NRF1: variants seen among roughly 807,000 people sequenced by gnomAD.
NRF1 encodes the protein nuclear respiratory factor 1, also known as alpha palindromic-binding protein.
A neutral mutation model predicts 58.5 loss-of-function variants in NRF1; 5 were observed. That is an observed-to-expected ratio of 0.09 (90% CI 0.04 to 0.18). The LOEUF is 0.18. Among genes scored for constraint, NRF1 ranks in the 10% least tolerant of loss-of-function variants. The pLI is 1.00. For synonymous variants in NRF1, 224 were observed against 246.7 expected (o/e 0.91, Z 0.86); for missense variants, 288 against 657.7 (o/e 0.44, Z 6.15).
At chr7:129,664,148 GA>G (rs1351653865) in intron 2 of NRF1, among the ~76,000 whole-genome samples, 5 of 145,488 alleles carry the variant, frequency 3.4e-5, no homozygotes, top group African/African-American at 5.0e-5. Flanking sequence ...GGGGGAGGGG[GA>G]AAGGGAGGGA....
At chr7:129,651,602 C>T (rs1221517992) in intron 1 of NRF1, among the ~76,000 whole-genome samples, 1 of 152,126 alleles carries the variant, frequency 6.6e-6, no homozygotes, top group Non-Finnish European at 1.5e-5. Context: ...GCCTACAAAT[C>T]CCTTTGAAAA....
intron 5 of NRF1, among the ~76,000 whole-genome samples, chr7:129,694,047 T>A: frequency 6.6e-6 from 1 of 152,240 alleles, no homozygotes. Flanking sequence ...TAGAGCTTGG[T>A]GTGCTGGTGA....
intron 10 of NRF1, among the ~76,000 whole-genome samples, chr7:129,736,359 G>A (rs901476873): frequency 1.4e-5 from 2 of 141,418 alleles, no homozygotes; most frequent in African/African-American, 5.3e-5. Flanking sequence ...TTAGCTCACT[G>A]CAACCTCCAC....
intron 8 of NRF1, among the ~76,000 whole-genome samples, chr7:129,712,381 G>A (rs915283098): frequency 6.6e-6 from 1 of 152,356 alleles, no homozygotes; most frequent in South Asian, 2.1e-4. Flanking sequence ...ATGTCAAAGA[G>A]CAGTATCAGA....
intron 10 of NRF1, among the ~76,000 whole-genome samples, chr7:129,731,611 C>CTTTGT (rs149586663): frequency 4.0e-5 from 6 of 149,822 alleles, no homozygotes; most frequent in South Asian, 4.3e-4. Context: ...CCTTCCTTTA[C>CTTTGT]TTGTTTGTTT....
chr7:129,654,971 G>T (rs934784376), intron 1 of NRF1, among the ~76,000 whole-genome samples: 4 of 152,250 alleles, frequency 2.6e-5, no homozygotes, highest in Admixed American at 6.5e-5. Flanking sequence ...TTTAGTGTCA[G>T]TTGGTTGGTA....
At chr7:129,746,317 T>C (rs577632915) in intron 10 of NRF1, among the ~76,000 whole-genome samples, 3 of 152,222 alleles carry the variant, frequency 2.0e-5, no homozygotes, top group South Asian at 2.1e-4. Flanking sequence ...TTGTTTGATA[T>C]TGACATTCTC....
chr7:129,748,274 C>CA (rs10655886), intron 10 of NRF1, among the ~76,000 whole-genome samples: 10,394 of 77,838 alleles, frequency 0.13, 1,123 homozygotes, highest in Admixed American at 0.22. Context: ...GACTCCGTCT[C>CA]AAAAAAAAAA....
intron 3 of NRF1, among the ~76,000 whole-genome samples, chr7:129,673,610 G>C (rs1476989689): frequency 1.3e-5 from 2 of 151,388 alleles, no homozygotes; most frequent in Admixed American, 6.6e-5. Context: ...CCAGCTACTC[G>C]GGAGGCTGAG....
chr7:129,740,003 A>G (rs901667224), intron 10 of NRF1, among the ~76,000 whole-genome samples: 2 of 152,192 alleles, frequency 1.3e-5, no homozygotes, highest in Admixed American at 6.5e-5. Context: ...TCTCTGCCCC[A>G]TGTGTGTTTC....
chr7:129,709,127 GA>G lies in NRF1; in HGVS notation c.663del (p.Lys221AsnfsTer45). 1 of 1,598,378 alleles carries G rather than the reference GA, an allele frequency of 6.3e-7. No homozygotes were observed. Among genetic ancestry groups the G allele is most frequent in the Non-Finnish European group, 8.5e-7 (1 of 1,171,622 alleles). ...PEMLKYSTGR[G>X]KPGWGKESCK... The stretch of plus-strand genomic sequence containing the variant: ...ATGCTCAAGTACTCTACAGGTCGGG[GA>G]AAACCAGGCTGGGGGAAAGAAAGCT... On this transcript the variant is annotated frameshift_variant, in exon 6 of 11. Transcript: ENST00000393232. LOFTEE classifies it high-confidence loss of function.
chr7:129,716,606 C>T (rs1285073719), intron 8 of NRF1, among the ~76,000 whole-genome samples: 2 of 152,030 alleles, frequency 1.3e-5, no homozygotes, highest in African/African-American at 2.4e-5. Flanking sequence ...CGTGGTGACT[C>T]ATGCCTGTAA....
intron 1 of NRF1, among the ~76,000 whole-genome samples, chr7:129,656,143 T>C (rs1240776006): frequency 6.6e-6 from 1 of 152,094 alleles, no homozygotes; most frequent in Non-Finnish European, 1.5e-5. Flanking sequence ...GGAACTAATA[T>C]GTAAAGTTTT....
chr7:129,656,542 A>G (rs1801659945), intron 1 of NRF1, among the ~76,000 whole-genome samples: 1 of 152,138 alleles, frequency 6.6e-6, no homozygotes, highest in African/African-American at 2.4e-5. Flanking sequence ...GGGGTTTACA[A>G]GAAGCACAGT....
chr7:129,644,280 G>T (rs111282124), intron 1 of NRF1, among the ~76,000 whole-genome samples: 4 of 152,336 alleles, frequency 2.6e-5, no homozygotes, highest in African/African-American at 9.6e-5. Context: ...TAGGTAGGTA[G>T]GGTCATCTAT....
At chr7:129,623,533 C>T (rs1423847283) in intron 1 of NRF1, among the ~76,000 whole-genome samples, 1 of 152,100 alleles carries the variant, frequency 6.6e-6, no homozygotes, top group African/African-American at 2.4e-5. Flanking sequence ...CTGGAACTTT[C>T]TCAAAGGTAT....
At chr7:129,655,723 T>C (rs951814006) in intron 1 of NRF1, among the ~76,000 whole-genome samples, 1 of 152,156 alleles carries the variant, frequency 6.6e-6, no homozygotes, top group South Asian at 2.1e-4. Flanking sequence ...GGTTTTTCCA[T>C]GTTGGCCAGG....
chr7:129,744,976 G>A (rs1803938912), intron 10 of NRF1, among the ~76,000 whole-genome samples: 1 of 151,330 alleles, frequency 6.6e-6, no homozygotes, highest in Non-Finnish European at 1.5e-5. Context: ...GTGCCTATTT[G>A]ACATTTTCCA....
At chr7:129,658,326 T>C (rs1801704810) in intron 2 of NRF1, among the ~76,000 whole-genome samples, 2 of 152,194 alleles carry the variant, frequency 1.3e-5, no homozygotes, top group South Asian at 4.1e-4. Flanking sequence ...GCTCAGTGGC[T>C]CACACCTGTA....
Sources: gnomAD v4.1 joint callset for allele counts (sites outside exome capture counted in the v4.1 genomes callset) on GRCh38, gnomAD v4.1.1 for gene constraint, MANE v1.5 for transcripts, NCBI Gene and HGNC (gene_info 2026-07-23, HGNC 2026-07-21) for gene names.